The following CACNA1H variants were observed in gnomAD, a reference collection of about 807,000 sequenced individuals.
CACNA1H encodes the protein voltage-dependent T-type calcium channel subunit alpha-1H.
In CACNA1H, 149 loss-of-function variants were observed where a neutral mutation model predicts 192.5. The observed-to-expected ratio is 0.77, with a 90% CI of 0.68 to 0.89. The LOEUF is 0.89. Ranked by LOEUF, CACNA1H falls within the 40% of genes least tolerant of loss-of-function variation. The pLI, the probability that CACNA1H is intolerant of heterozygous loss-of-function variation, is 0.00. For missense variants in CACNA1H, 4,257 were observed against 3,423.5 expected, an observed-to-expected ratio of 1.24 and a Z score of -6.08; for synonymous variants, 2,202 against 1,475.2, an observed-to-expected ratio of 1.49 and a Z score of -11.29.
intron 2 of CACNA1H, among the ~76,000 whole-genome samples, chr16:1,192,889 G>C (rs988792492): frequency 6.6e-6 from 1 of 151,938 alleles, no homozygotes; most frequent in Non-Finnish European, 1.5e-5. Flanking sequence ...GTTGGGAGCC[G>C]GCCCAACTTG....
At chr16:1,186,615 C>T (rs1030252808) in intron 2 of CACNA1H, among the ~76,000 whole-genome samples, 1 of 152,142 alleles carries the variant, frequency 6.6e-6, no homozygotes, top group Admixed American at 6.5e-5. Context: ...ACTGTGGCTT[C>T]TGTCGTGAAT....
intron 2 of CACNA1H, among the ~76,000 whole-genome samples, chr16:1,192,209 G>A (rs148532494): frequency 2.0e-5 from 3 of 152,302 alleles, no homozygotes; most frequent in Admixed American, 6.5e-5. Flanking sequence ...GGCTTCCCTC[G>A]CTGCCAGTCA....
chr16:1,173,319 G>A (rs1053827335), intron 2 of CACNA1H, among the ~76,000 whole-genome samples: 3 of 152,146 alleles, frequency 2.0e-5, no homozygotes, highest in African/African-American at 4.8e-5. Context: ...AGAGCCCTGG[G>A]GTAGTGGGAT....
At chr16:1,218,152 C>G in intron 32 of CACNA1H, 58 bp from the exon 33 acceptor site, 1 of 1,533,966 alleles carries the variant, frequency 6.5e-7, no homozygotes, top group Non-Finnish European at 8.8e-7. Context: ...GACGGCACTG[C>G]CAGGGTGGCA....
intron 2 of CACNA1H, among the ~76,000 whole-genome samples, chr16:1,170,197 C>T (rs969549073): frequency 2.0e-5 from 3 of 152,146 alleles, no homozygotes; most frequent in African/African-American, 7.2e-5. Flanking sequence ...GGGTGTGTCC[C>T]AACTGCAGGG....
rs755767121 is a variant in CACNA1H, at chr16:1,207,269, C to T, written c.2908-6C>T. ...TGACCACCCCAGGCCCCCTGCTATC[C>T]CCCAGATCCTGACCCAGGAGGACTG... is the stretch of plus-strand genomic sequence containing the variant. On this transcript the variant is annotated splice_region_variant and splice_polypyrimidine_tract_variant and intron_variant, in intron 13 of 34. Transcript: ENST00000348261. The T allele has an allele frequency of 1.2e-6, 2 of 1,601,808 alleles. No homozygotes were observed. The highest frequency in any genetic ancestry group is 1.1e-5 in the South Asian group (1 of 89,818).
chr16:1,213,577 C>T (rs896453135), intron 26 of CACNA1H, among the ~76,000 whole-genome samples: 1 of 152,086 alleles, frequency 6.6e-6, no homozygotes, highest in Non-Finnish European at 1.5e-5. Flanking sequence ...TCACCTAGAA[C>T]AGGGTCCTTT....
chr16:1,219,015 C>T lies in CACNA1H; in HGVS notation c.5933C>T (p.Ser1978Phe), dbSNP rs1390231615. The change falls in exon 34 of 35, where the codon TCC (serine) becomes TTC (phenylalanine). Residue 1978 changes from serine (S) to phenylalanine (F), a missense_variant. Physicochemically the swap from Ser to Phe is radical, Grantham distance 155 (BLOSUM62 -2). Coordinates refer to ENST00000348261, the MANE Select transcript of CACNA1H (RefSeq NM_021098.3). ...TCTCCGCCCGCAGAGTCCTGTGCCTCCCTCCAGATCCCATTGGCTGTGTCG... is the reference window on the plus strand; with the variant it reads ...TCTCCGCCCGCAGAGTCCTGTGCCTTCCTCCAGATCCCATTGGCTGTGTCG... ...VHSPPAESCASLQIPLAVSSP... is the reference protein window; with the variant it reads ...VHSPPAESCAFLQIPLAVSSP... 3.2e-6 allele frequency: 5 copies of T among 1,550,122 alleles called. No homozygotes were observed. Among genetic ancestry groups the T allele is most frequent in the Non-Finnish European group, 2.6e-6 (3 of 1,146,876 alleles).
chr16:1,198,803 C>A (rs373451546), intron 6 of CACNA1H, 29 bp downstream of exon 6: 2 of 1,589,586 alleles, frequency 1.3e-6, no homozygotes, highest in African/African-American at 2.7e-5. Context: ...CGTGAGGCCC[C>A]TGCCCAGATG....
chr16:1,156,956 A>G (rs1207761972), intron 2 of CACNA1H: 1 of 152,228 alleles, frequency 6.6e-6, no homozygotes, highest in Admixed American at 6.5e-5. Flanking sequence ...TCTTAAAAAT[A>G]TAATTGTCTT....
intron 10 of CACNA1H, 54 bp downstream of exon 10, chr16:1,204,512 G>T: frequency 1.4e-6 from 2 of 1,409,858 alleles, no homozygotes; most frequent in Non-Finnish European, 1.9e-6. Flanking sequence ...GCAGGGCCTG[G>T]GGAGTCTCAG....
intron 2 of CACNA1H, among the ~76,000 whole-genome samples, chr16:1,188,251 G>A (rs533759224): frequency 1.6e-3 from 238 of 152,290 alleles, no homozygotes; most frequent in African/African-American, 5.4e-3. Context: ...TGGGATGTTA[G>A]CTGATGTTTC....
At chr16:1,154,229 G>T (rs1961983635) in intron 2 of CACNA1H, among the ~76,000 whole-genome samples, 193 bp downstream of exon 2, 1 of 151,754 alleles carries the variant, frequency 6.6e-6, no homozygotes, top group Non-Finnish European at 1.5e-5. Flanking sequence ...GGCTTGGGGG[G>T]CCACCGGGCG....
At chr16:1,169,753 A>G (rs138254187) in intron 2 of CACNA1H, among the ~76,000 whole-genome samples, 3,074 of 152,292 alleles carry the variant, frequency 0.02, 40 homozygotes, top group Non-Finnish European at 0.031. Context: ...GCTTGTTCCC[A>G]GGAACGTTTG....
rs1043297534 is a variant in CACNA1H at position 1,167,131 on chromosome 16, G to T, written c.299+13095G>T. 1.3e-4 allele frequency among the ~76,000 whole-genome samples: 20 copies of T among 152,302 alleles called. No homozygotes were observed. The highest frequency in any genetic ancestry group is 4.8e-4 in the African/African-American group (20 of 41,570). ...GTCCAGGGCTGTGGGAGTGGACACG[G>T]CCCTTCCTTTCCTCGCCGACCCTTT... is the stretch of plus-strand genomic sequence containing the variant. On this transcript the variant is annotated intron_variant, in intron 2 of 34. Coordinates refer to ENST00000348261, the MANE Select transcript of CACNA1H (RefSeq NM_021098.3). The surrounding 1 kb of genome is among the most constrained non-coding windows in gnomAD (Gnocchi z 4.2).
At chr16:1,215,795 C>T (rs896548587) in intron 30 of CACNA1H, among the ~76,000 whole-genome samples, 3 of 152,326 alleles carry the variant, frequency 2.0e-5, no homozygotes, top group South Asian at 4.1e-4. Context: ...TGGCCTCAAT[C>T]CTCTGGGCAA....
At chr16:1,196,946 C>G (rs1374053499) in intron 5 of CACNA1H, among the ~76,000 whole-genome samples, 1 of 151,800 alleles carries the variant, frequency 6.6e-6, no homozygotes, top group Non-Finnish European at 1.5e-5. Flanking sequence ...CCCGTGTGTG[C>G]ACGTGCGGGT....
At chr16:1,165,873 G>C (rs1174071203) in intron 2 of CACNA1H, among the ~76,000 whole-genome samples, 1 of 152,264 alleles carries the variant, frequency 6.6e-6, no homozygotes, top group Non-Finnish European at 1.5e-5. Context: ...CCTTGGGAGA[G>C]GGGTGGGTCC....
In CACNA1H at chr16:1,200,739, G is replaced by A. The variant is rs985503035; in HGVS notation, c.1143G>A (p.Val381=). Residue 381 remains valine, a synonymous_variant, in exon 8 of 35, where the codon GTG becomes GTA. Coordinates refer to ENST00000348261, the MANE Select transcript of CACNA1H (RefSeq NM_021098.3). ...AGGTGATCACGCTGGAAGGCTGGGT[G>A]GACATCATGTACTACGTCATGGACG... ...IFQVITLEGW[V]DIMYYVMDAH... is the part of the protein sequence containing the mutation. 3.2e-6 allele frequency: 5 copies of A among 1,561,114 alleles called. No individual in the cohort carries two copies. Among genetic ancestry groups the A allele is most frequent in the Admixed American group, 3.8e-5 (2 of 51,952 alleles).
Sources: gnomAD v4.1 joint callset for allele counts (sites outside exome capture counted in the v4.1 genomes callset) on GRCh38, gnomAD v4.1.1 for gene constraint, Gnocchi (gnomAD v3.1) non-coding constraint, MANE v1.5 for transcripts, NCBI Gene and HGNC (gene_info 2026-07-23, HGNC 2026-07-21) for gene names.